VEPH1: variants seen among roughly 807,000 people sequenced by gnomAD.
VEPH1 encodes the protein ventricular zone expressed PH domain containing 1, also known as ventricular zone-expressed PH domain-containing protein homolog 1.
A neutral mutation model predicts 85.2 loss-of-function variants in VEPH1; 80 were observed. The ratio of observed to expected loss-of-function variants is 0.94; its 90% CI spans 0.78 to 1.13. The LOEUF is 1.13. Among genes scored for constraint, VEPH1 ranks in the 50% most tolerant of loss-of-function variants. The pLI is 0.00. For synonymous variants in VEPH1, 297 were observed against 348.0 expected, an observed-to-expected ratio of 0.85 and a Z score of 1.63; for missense variants, 955 against 980.5, an observed-to-expected ratio of 0.97 and a Z score of 0.35.
intron 4 of VEPH1, among the ~76,000 whole-genome samples, chr3:157,444,081 C>G (rs1164687284): frequency 1.3e-5 from 2 of 152,122 alleles, no homozygotes; most frequent in Admixed American, 6.6e-5. Context: ...AGGTCAAGCC[C>G]CTTCACACTG....
At chr3:157,272,375 T>TTTTCTTTTC (rs1714758573) in intron 12 of VEPH1, among the ~76,000 whole-genome samples, 3 of 94,970 alleles carry the variant, frequency 3.2e-5, no homozygotes, top group African/African-American at 7.8e-5. Context: ...TTTCTCTTTC[T>TTTTCTTTTC]TTTCTTTCTT....
intron 2 of VEPH1, among the ~76,000 whole-genome samples, chr3:157,481,476 A>AC (rs1560100711): frequency 1.7e-4 from 26 of 148,698 alleles, no homozygotes; most frequent in African/African-American, 6.3e-4. Context: ...AAAAAAAAAA[A>AC]AAAAAAAAAA....
At chr3:157,270,592 T>C (rs1714416501) in intron 12 of VEPH1, among the ~76,000 whole-genome samples, 1 of 152,064 alleles carries the variant, frequency 6.6e-6, no homozygotes, top group Non-Finnish European at 1.5e-5. Context: ...ATGAAGTTGA[T>C]GAGTAAGTAT....
chr3:157,354,698 TG>T (rs1725239913), intron 9 of VEPH1, among the ~76,000 whole-genome samples: 1 of 152,198 alleles, frequency 6.6e-6, no homozygotes. Context: ...TTTTTGTTCT[TG>T]GTCCATATCA....
chr3:157,297,530 A>AT (rs1339307587), intron 11 of VEPH1, among the ~76,000 whole-genome samples: 4 of 152,164 alleles, frequency 2.6e-5, no homozygotes, highest in Admixed American at 6.5e-5. Context: ...TGATAAAGAC[A>AT]TGGGGGGTGT....
In VEPH1 at chr3:157,409,363, A is replaced by G. The variant is rs551548072; in HGVS notation, c.906+4518T>C. On this transcript the variant is annotated intron_variant, in intron 6 of 13. Transcript: ENST00000362010. ...GAAATGGAGCAAATCCTGGCATTAT[A>G]AAGAACTGGATAGATCTTTACTGAA... 7.2e-5 allele frequency among the ~76,000 whole-genome samples: 11 copies of G among 152,268 alleles called. No homozygotes were observed. In the South Asian group the frequency reaches 1.4e-3, roughly 20 times the overall value.
chr3:157,432,912 A>G (rs1733278899), intron 4 of VEPH1, among the ~76,000 whole-genome samples: 1 of 151,822 alleles, frequency 6.6e-6, no homozygotes, highest in Non-Finnish European at 1.5e-5. Context: ...AGATCTTTTT[A>G]TGTTTTTAAA....
rs942315579 is a variant in VEPH1, at chr3:157,448,283, T to A, written c.529+11898A>T. ...GGAATTTGGACTCTTGATGAGATGTTACATTTTCTTCCCAAAGACTTTCTA... is the reference window on the plus strand; with the variant it reads ...GGAATTTGGACTCTTGATGAGATGTAACATTTTCTTCCCAAAGACTTTCTA... On this transcript the variant is annotated intron_variant, in intron 4 of 13. Transcript: ENST00000362010. 2.0e-5 allele frequency among the ~76,000 whole-genome samples: 3 copies of A among 152,326 alleles called. No individual in the cohort carries two copies. In the Middle Eastern group the frequency reaches 0.01, roughly 518 times the overall value.
At chr3:157,327,639 G>A (rs1722054105) in intron 9 of VEPH1, among the ~76,000 whole-genome samples, 1 of 152,162 alleles carries the variant, frequency 6.6e-6, no homozygotes, top group African/African-American at 2.4e-5. Context: ...AGGATGGGGA[G>A]TGAGCTGTAG....
intron 1 of VEPH1, among the ~76,000 whole-genome samples, chr3:157,500,064 T>G (rs1447592244): frequency 1.3e-5 from 2 of 152,192 alleles, no homozygotes; most frequent in East Asian, 3.9e-4. Context: ...GTACTCTCTT[T>G]TTTTCGTTAT....
At chr3:157,262,439 A>C (rs571938501) in intron 13 of VEPH1, among the ~76,000 whole-genome samples, 1 of 152,304 alleles carries the variant, frequency 6.6e-6, no homozygotes, top group African/African-American at 2.4e-5. Context: ...CAAGGAATTT[A>C]AACAATTAAA....
intron 12 of VEPH1, among the ~76,000 whole-genome samples, chr3:157,271,082 A>ATTCT (rs970638830): frequency 3.9e-5 from 6 of 152,174 alleles, no homozygotes; most frequent in Admixed American, 3.9e-4. Flanking sequence ...CAAACTCAGA[A>ATTCT]ACAAGTAAAG....
At chr3:157,401,003 G>A (rs1192250918) in intron 6 of VEPH1, among the ~76,000 whole-genome samples, 2 of 152,028 alleles carry the variant, frequency 1.3e-5, no homozygotes, top group African/African-American at 4.8e-5. Flanking sequence ...TGATAATCCT[G>A]AACAATGGCC....
intron 3 of VEPH1, among the ~76,000 whole-genome samples, chr3:157,464,598 T>C (rs928827629): frequency 6.6e-6 from 1 of 152,194 alleles, no homozygotes; most frequent in Non-Finnish European, 1.5e-5. Flanking sequence ...AATTTAGCTG[T>C]AGAGGTTAAA....
At chr3:157,339,586 C>G (rs1366090921) in intron 9 of VEPH1, among the ~76,000 whole-genome samples, 2 of 152,174 alleles carry the variant, frequency 1.3e-5, no homozygotes. Context: ...CTCACACTTC[C>G]CTTTGTACTC....
Position 157,363,437 on chromosome 3 carries a change from G to GTT in VEPH1, c.1660_1661dup (p.Asn554LysfsTer6). On this transcript the variant is annotated frameshift_variant, in exon 9 of 14. Transcript: ENST00000362010. LOFTEE classifies it high-confidence loss of function. ...TGGCATATGCTTTCACTTTGCTGAGGTTTTTTTTTAAGTGCAAGTAGAGCT... is the reference window on the plus strand; with the variant it reads ...TGGCATATGCTTTCACTTTGCTGAGGTTTTTTTTTTTAAGTGCAAGTAGAGCT... 6.2e-7 allele frequency: 1 copy of GTT among 1,606,320 alleles called. No homozygotes were observed. The highest frequency in any genetic ancestry group is 1.7e-5 in the Admixed American group (1 of 59,538).
intron 6 of VEPH1, among the ~76,000 whole-genome samples, chr3:157,392,155 C>G (rs1287229032): frequency 6.6e-6 from 1 of 152,152 alleles, no homozygotes; most frequent in African/African-American, 2.4e-5. Context: ...ACATAGCCTG[C>G]AACCACACAA....
intron 2 of VEPH1, among the ~76,000 whole-genome samples, chr3:157,475,239 C>A (rs1414477290): frequency 6.6e-6 from 1 of 151,494 alleles, no homozygotes; most frequent in Non-Finnish European, 1.5e-5. Context: ...TGATCCTCCC[C>A]ACCTTGGCTT....
rs73156771 is a variant in VEPH1 at position 157,374,404 on chromosome 3, G to A, written c.1127+6752C>T. ...AGAATGTCCCATGTTTTTAATTATG[G>A]TTCTGAACTGACTCGTGTACCTTCC... is the stretch of plus-strand genomic sequence containing the variant. On this transcript the variant is annotated intron_variant, in intron 7 of 13. Coordinates refer to ENST00000362010, the MANE Select transcript of VEPH1 (RefSeq NM_001167912.2). Among the ~76,000 whole-genome samples the A allele has an allele frequency of 3.4e-4, 52 of 152,312 alleles. 1 individual carries two copies. In the South Asian group the frequency reaches 3.7e-3, roughly 11 times the overall value.
Sources: allele counts gnomAD v4.1 joint callset (sites outside exome capture counted in the v4.1 genomes callset), GRCh38; gene constraint gnomAD v4.1.1; transcripts MANE v1.5; gene names NCBI Gene and HGNC (gene_info 2026-07-23, HGNC 2026-07-21).